The following MARCHF1 variants were observed in gnomAD, a reference collection of about 807,000 sequenced individuals.
MARCHF1 encodes the protein E3 ubiquitin-protein ligase MARCHF1.
In MARCHF1, 40 loss-of-function variants were observed where a neutral mutation model predicts 54.2. That is an observed-to-expected ratio of 0.74 (90% confidence interval 0.57 to 0.96). MARCHF1 has a LOEUF of 0.96. Among genes scored for constraint, MARCHF1 ranks in the 40% least tolerant of loss-of-function variants. The pLI is 0.00. For missense variants in MARCHF1, 586 were observed against 656.5 expected, an observed-to-expected ratio of 0.89 and a Z score of 1.17; for synonymous variants, 236 against 236.3, an observed-to-expected ratio of 1.00 and a Z score of 0.01.
At chr4:163,910,945 C>T (rs1285458942) in intron 3 of MARCHF1, among the ~76,000 whole-genome samples, 4 of 152,126 alleles carry the variant, frequency 2.6e-5, no homozygotes, top group African/African-American at 4.8e-5. Context: ...AAGTTAAATG[C>T]AAAAATAACA....
intron 5 of MARCHF1, among the ~76,000 whole-genome samples, chr4:163,697,897 A>G (rs1028976238): frequency 2.6e-5 from 4 of 152,216 alleles, no homozygotes; most frequent in Non-Finnish European, 1.5e-5. Flanking sequence ...TACACCTAGA[A>G]AACATTGCAT....
At position 163,585,945 on chromosome 4, in the gene MARCHF1, G is replaced by A. The variant is rs758917918; in HGVS notation, c.1011-16C>T. 11 of 1,591,584 alleles carry A rather than the reference G, an allele frequency of 6.9e-6. No homozygotes were observed. The African/African-American group carries it at 1.3e-4, about 19-fold the overall frequency. On this transcript the variant is annotated splice_polypyrimidine_tract_variant and intron_variant, in intron 7 of 9. Coordinates refer to ENST00000514618, the MANE Select transcript of MARCHF1 (RefSeq NM_001394959.1). ...GTGACAGATTCTGCAGAAAGACACA[G>A]CAGCCAGTATGAGATCTCCCAGAGA...
intron 1 of MARCHF1, among the ~76,000 whole-genome samples, chr4:164,262,340 C>T (rs2111280253): frequency 6.6e-6 from 1 of 152,182 alleles, no homozygotes; most frequent in Non-Finnish European, 1.5e-5. Flanking sequence ...CAACACCAAA[C>T]AAGTGTGGCT....
intron 3 of MARCHF1, among the ~76,000 whole-genome samples, chr4:163,881,093 C>T (rs1750405035): frequency 6.6e-6 from 1 of 152,170 alleles, no homozygotes; most frequent in African/African-American, 2.4e-5. Context: ...TGGAAATTAC[C>T]ATAGCTTCAT....
intron 2 of MARCHF1, among the ~76,000 whole-genome samples, chr4:164,089,371 A>G (rs1755253803): frequency 6.6e-6 from 1 of 152,154 alleles, no homozygotes; most frequent in Non-Finnish European, 1.5e-5. Context: ...AATTTCTACT[A>G]AAAATTGTGC....
At chr4:163,679,699 G>A (rs936580028) in intron 5 of MARCHF1, among the ~76,000 whole-genome samples, 2 of 150,456 alleles carry the variant, frequency 1.3e-5, no homozygotes, top group Non-Finnish European at 3.0e-5. Context: ...TGCAAGCTCC[G>A]CCTCCCGGGT....
chr4:164,331,385 G>C (rs1025025376), intron 1 of MARCHF1, among the ~76,000 whole-genome samples: 1 of 152,104 alleles, frequency 6.6e-6, no homozygotes, highest in Non-Finnish European at 1.5e-5. Flanking sequence ...AAAGCAAGCT[G>C]TTAAGACAGA....
chr4:164,105,953 A>G (rs1463668939), intron 2 of MARCHF1, among the ~76,000 whole-genome samples: 1 of 147,466 alleles, frequency 6.8e-6, no homozygotes, highest in East Asian at 2.0e-4. Context: ...AAAGTGGGCG[A>G]AGGACATGAA....
chr4:163,640,460 C>T (rs937397486), intron 5 of MARCHF1, among the ~76,000 whole-genome samples: 34 of 152,200 alleles, frequency 2.2e-4, no homozygotes, highest in African/African-American at 8.2e-4. Context: ...AAGATATACA[C>T]CTAGTCAGGG....
chr4:163,888,629 T>C (rs1040253848), intron 3 of MARCHF1, among the ~76,000 whole-genome samples: 1 of 152,158 alleles, frequency 6.6e-6, no homozygotes, highest in Non-Finnish European at 1.5e-5. Flanking sequence ...CAGTGAGGTT[T>C]CCTATATCTG....
At chr4:163,828,028 C>T (rs907950511) in intron 4 of MARCHF1, among the ~76,000 whole-genome samples, 2 of 120,592 alleles carry the variant, frequency 1.7e-5, no homozygotes, top group African/African-American at 5.4e-5. Flanking sequence ...CACACACACA[C>T]ACACACACAC....
intron 1 of MARCHF1, among the ~76,000 whole-genome samples, chr4:164,246,997 A>G (rs1421464725): frequency 6.2e-5 from 3 of 48,074 alleles, no homozygotes; most frequent in African/African-American, 1.4e-4. Context: ...GAACACTTTT[A>G]CACTGTTGGT....
At chr4:164,343,270 A>G (rs958759996) in intron 1 of MARCHF1, among the ~76,000 whole-genome samples, 10 of 152,134 alleles carry the variant, frequency 6.6e-5, no homozygotes, top group African/African-American at 2.4e-4. Flanking sequence ...TACAATTTTT[A>G]CTTGTCAATC....
intron 1 of MARCHF1, among the ~76,000 whole-genome samples, chr4:164,329,692 T>C (rs7689786): frequency 0.15 from 22,089 of 151,914 alleles, 2,463 homozygotes; most frequent in East Asian, 0.42. Context: ...GAAGGCAAAA[T>C]AAGAGCAGGC....
intron 1 of MARCHF1, among the ~76,000 whole-genome samples, chr4:164,159,908 C>T (rs955514491): frequency 3.3e-5 from 5 of 152,086 alleles, no homozygotes; most frequent in African/African-American, 1.2e-4. Flanking sequence ...AATTTAATCA[C>T]CATGGCAAAT....
chr4:164,288,978 T>G (rs555712874), intron 1 of MARCHF1, among the ~76,000 whole-genome samples: 2 of 152,234 alleles, frequency 1.3e-5, no homozygotes, highest in Admixed American at 1.3e-4. Context: ...GTTGCTAGAA[T>G]TGACTATGTA....
At chr4:163,963,936 T>C (rs774055318) in intron 3 of MARCHF1, among the ~76,000 whole-genome samples, 2 of 151,966 alleles carry the variant, frequency 1.3e-5, no homozygotes, top group African/African-American at 4.8e-5. Context: ...AGAGACCTTA[T>C]GCAAGAACTT....
rs1433160412 is a variant in MARCHF1 at position 163,747,395 on chromosome 4, C to T, written c.112-46532G>A. On this transcript the variant is annotated intron_variant, in intron 4 of 9. Coordinates refer to ENST00000514618, the MANE Select transcript of MARCHF1 (RefSeq NM_001394959.1). ...CGTTTAGGTCTCAAAATAATTCCCA[C>T]AGGTACGTTCCAAGATATATAAGCT... Among the ~76,000 whole-genome samples, 6 of 152,294 alleles carry T rather than the reference C, an allele frequency of 3.9e-5. No homozygotes were observed. The East Asian group carries it at 1.2e-3, about 29-fold the overall frequency.
intron 5 of MARCHF1, among the ~76,000 whole-genome samples, chr4:163,622,580 G>T (rs1049348751): frequency 1.3e-5 from 2 of 152,084 alleles, no homozygotes; most frequent in Non-Finnish European, 2.9e-5. Context: ...CCCACTGAGG[G>T]TCATCTAAGA....
Sources: allele counts gnomAD v4.1 joint callset (sites outside exome capture counted in the v4.1 genomes callset), GRCh38; gene constraint gnomAD v4.1.1; transcripts MANE v1.5; gene names NCBI Gene and HGNC (gene_info 2026-07-23, HGNC 2026-07-21).